Variants in ATXN7L1 observed in about 807,000 individuals in gnomAD.
ATXN7L1 encodes ataxin 7 like 1.
In ATXN7L1, 15 loss-of-function variants were observed where a neutral mutation model predicts 70.8. The observed-to-expected ratio is 0.21, with a 90% CI of 0.14 to 0.33. The LOEUF (loss-of-function observed/expected upper bound fraction) is 0.33. Ranked by LOEUF, ATXN7L1 falls within the 10% of genes least tolerant of loss-of-function variation. ATXN7L1 has a pLI of 1.00. For missense variants in ATXN7L1, 975 were observed against 1,097.1 expected, an observed-to-expected ratio of 0.89 and a Z score of 1.57; for synonymous variants, 440 against 445.1, an observed-to-expected ratio of 0.99 and a Z score of 0.14.
At chr7:105,783,167 T>A (rs1803782076) in intron 3 of ATXN7L1, among the ~76,000 whole-genome samples, 1 of 152,192 alleles carries the variant, frequency 6.6e-6, no homozygotes, top group African/African-American at 2.4e-5. Flanking sequence ...ATGTTAGGAT[T>A]CTAACCTGCC....
chr7:105,875,629 C>CA lies in ATXN7L1; in HGVS notation c.250+182_250+183insT, dbSNP rs1554490214. 3.3e-4 allele frequency among the ~76,000 whole-genome samples: 37 copies of CA among 113,806 alleles called. 2 individuals carry two copies. The highest frequency in any genetic ancestry group is 9.9e-4 in the African/African-American group (33 of 33,490). 74.7% of individuals were successfully genotyped at this position (113,806 alleles called of 152,430 possible). A position where few individuals can be genotyped will look rare whatever the true frequency, so the allele number is the denominator to read the frequency against. ...CTTCAACAGTCTCACCCCCCTTTACCCCCCCCCCAGTTGTATTTATACTTT... is the reference window on the plus strand; with the variant it reads ...CTTCAACAGTCTCACCCCCCTTTACCACCCCCCCCAGTTGTATTTATACTTT... On this transcript the variant is annotated intron_variant, in intron 2 of 11. Coordinates refer to ENST00000419735, the MANE Select transcript of ATXN7L1 (RefSeq NM_020725.2).
intron 8 of ATXN7L1, among the ~76,000 whole-genome samples, chr7:105,620,832 T>C (rs1584341529): frequency 6.7e-6 from 1 of 150,050 alleles, no homozygotes; most frequent in Non-Finnish European, 1.5e-5. Flanking sequence ...GAGGTGGAGG[T>C]TGCAGTGAGC....
chr7:105,861,427 G>A (rs573734064), intron 2 of ATXN7L1, among the ~76,000 whole-genome samples: 1 of 151,826 alleles, frequency 6.6e-6, no homozygotes, highest in East Asian at 1.9e-4. Context: ...TGGGGGAGTG[G>A]AGAGAGATGG....
chr7:105,679,790 G>T (rs569260335), intron 3 of ATXN7L1, among the ~76,000 whole-genome samples: 1 of 152,018 alleles, frequency 6.6e-6, no homozygotes. Flanking sequence ...AAAAGAAGGC[G>T]GGGGGAGTGA....
At chr7:105,645,580 A>G (rs1015660397) in intron 4 of ATXN7L1, among the ~76,000 whole-genome samples, 41 of 150,166 alleles carry the variant, frequency 2.7e-4, no homozygotes, top group African/African-American at 9.8e-4. Flanking sequence ...GTGGATCACC[A>G]GGTCAGGAGA....
chr7:105,650,709 C>T (rs1413665272), intron 4 of ATXN7L1, among the ~76,000 whole-genome samples: 4 of 152,172 alleles, frequency 2.6e-5, no homozygotes, highest in African/African-American at 9.7e-5. Context: ...GATGATGGGC[C>T]AAGACTTTGC....
chr7:105,615,698 G>A (rs1198518415), intron 9 of ATXN7L1, among the ~76,000 whole-genome samples: 1 of 152,234 alleles, frequency 6.6e-6, no homozygotes, highest in East Asian at 1.9e-4. Context: ...CAGAGAAGGA[G>A]ATCAGGGATT....
intron 2 of ATXN7L1, among the ~76,000 whole-genome samples, chr7:105,804,542 G>A (rs1048914623): frequency 2.0e-5 from 3 of 152,174 alleles, no homozygotes; most frequent in South Asian, 2.1e-4. Context: ...TTATATGCTC[G>A]CCTGACAGTT....
chr7:105,711,464 T>A (rs1246902387), intron 3 of ATXN7L1, among the ~76,000 whole-genome samples: 1 of 152,230 alleles, frequency 6.6e-6, no homozygotes, highest in African/African-American at 2.4e-5. Context: ...ACTTCCAAGA[T>A]ACATTGGGGG....
chr7:105,702,167 A>C (rs1033107222), intron 3 of ATXN7L1, among the ~76,000 whole-genome samples: 1 of 152,148 alleles, frequency 6.6e-6, no homozygotes, highest in Non-Finnish European at 1.5e-5. Flanking sequence ...TACAAAGTTC[A>C]TTTGCATCCG....
chr7:105,874,976 G>C (rs78886855), intron 2 of ATXN7L1: 132 of 152,350 alleles, frequency 8.7e-4, no homozygotes, highest in Middle Eastern at 6.8e-3. Flanking sequence ...ATGTTTATAA[G>C]ACATCAGTTA....
chr7:105,613,233 T>C (rs949397935), intron 10 of ATXN7L1, among the ~76,000 whole-genome samples: 1 of 152,214 alleles, frequency 6.6e-6, no homozygotes, highest in African/African-American at 2.4e-5. Flanking sequence ...CACACTCCTA[T>C]CTGCACCATG....
chr7:105,796,768 C>T (rs191727818), intron 2 of ATXN7L1, among the ~76,000 whole-genome samples: 7 of 152,216 alleles, frequency 4.6e-5, no homozygotes, highest in Middle Eastern at 3.4e-3. Context: ...AATCACTTAA[C>T]GGTGCATGGA....
In ATXN7L1 at chr7:105,614,159, G is replaced by A. The variant is rs1439061443; in HGVS notation, c.2175C>T (p.Gly725=). ...CCACCTGTCTCACTATGTCCGCGGG[G>A]CCGCCGGGCAGCGAGGTCCGTCCTG... is the stretch of plus-strand genomic sequence containing the variant. ...EPSGRTSLPG[G]PADIVRQVGA... is the part of the protein sequence containing the mutation. The change falls in exon 10 of 12, where the codon GGC becomes GGT. Residue 725 remains glycine, a synonymous_variant. Coordinates refer to ENST00000419735, the MANE Select transcript of ATXN7L1 (RefSeq NM_020725.2). This position sits in a 1 kb window ranked among gnomAD's most constrained non-coding sequence, Gnocchi z 4.3. 2 of 1,551,676 alleles carry A rather than the reference G, an allele frequency of 1.3e-6. No individual in the cohort carries two copies. The highest frequency in any genetic ancestry group is 1.7e-6 in the Non-Finnish European group (2 of 1,146,996).
chr7:105,867,117 A>G (rs1025667903), intron 2 of ATXN7L1, among the ~76,000 whole-genome samples: 1 of 152,192 alleles, frequency 6.6e-6, no homozygotes, highest in Non-Finnish European at 1.5e-5. Context: ...GAAAGCATCA[A>G]CATGGCCTCA....
At chr7:105,751,862 T>G (rs543326006) in intron 3 of ATXN7L1, among the ~76,000 whole-genome samples, 1 of 152,358 alleles carries the variant, frequency 6.6e-6, no homozygotes, top group East Asian at 1.9e-4. Context: ...TGCCTTTCCA[T>G]GGATCAAAAT....
chr7:105,797,897 T>C (rs1364074096), intron 2 of ATXN7L1, among the ~76,000 whole-genome samples: 1 of 152,164 alleles, frequency 6.6e-6, no homozygotes, highest in Non-Finnish European at 1.5e-5. Context: ...GCCCTTCCTA[T>C]CTCCATAGTC....
chr7:105,651,367 A>G (rs1308773946), intron 4 of ATXN7L1, among the ~76,000 whole-genome samples: 1 of 152,220 alleles, frequency 6.6e-6, no homozygotes, highest in African/African-American at 2.4e-5. Flanking sequence ...AACTCTAACT[A>G]AACCAAAAGG....
At chr7:105,674,128 G>A (rs2116121866) in intron 3 of ATXN7L1, among the ~76,000 whole-genome samples, 1 of 152,318 alleles carries the variant, frequency 6.6e-6, no homozygotes, top group East Asian at 1.9e-4. Flanking sequence ...GGTTATGCTA[G>A]GTCTTCTTTA....
Sources: gnomAD v4.1 joint callset for allele counts (sites outside exome capture counted in the v4.1 genomes callset) on GRCh38, gnomAD v4.1.1 for gene constraint, Gnocchi (gnomAD v3.1) non-coding constraint, MANE v1.5 for transcripts, NCBI Gene and HGNC (gene_info 2026-07-23, HGNC 2026-07-21) for gene names.